Variants in SPAG16 observed in about 807,000 individuals in gnomAD.
The protein encoded by SPAG16 is sperm associated antigen 16.
SPAG16 carries 86 observed loss-of-function variants against 80.4 expected under a neutral mutation model. The observed-to-expected ratio is 1.07, with a 90% CI of 0.90 to 1.28. SPAG16 has a LOEUF of 1.28. Among genes scored for constraint, SPAG16 ranks in the 50% most tolerant of loss-of-function variants. SPAG16 has a pLI of 0.00. For missense variants in SPAG16, 870 were observed against 765.3 expected, an observed-to-expected ratio of 1.14 and a Z score of -1.61; for synonymous variants, 294 against 265.9, an observed-to-expected ratio of 1.11 and a Z score of -1.03.
At chr2:214,016,631 T>C (rs888162874) in intron 13 of SPAG16, among the ~76,000 whole-genome samples, 1 of 152,202 alleles carries the variant, frequency 6.6e-6, no homozygotes, top group Non-Finnish European at 1.5e-5. Context: ...GGAGACAGCA[T>C]GTTTATTTGC....
At chr2:213,345,344 GA>G (rs1401707599) in intron 6 of SPAG16, among the ~76,000 whole-genome samples, 2 of 97,420 alleles carry the variant, frequency 2.1e-5, no homozygotes, top group Non-Finnish European at 3.8e-5. Context: ...TGTTCACTCT[GA>G]CGGTAGTTTC....
chr2:213,290,482 G>C (rs1428272729), intron 1 of SPAG16, among the ~76,000 whole-genome samples: 2 of 152,174 alleles, frequency 1.3e-5, no homozygotes, highest in African/African-American at 2.4e-5. Flanking sequence ...AGATAGGTAA[G>C]AACCAGATAT....
At chr2:213,764,460 T>A (rs780059629) in intron 10 of SPAG16, among the ~76,000 whole-genome samples, 2 of 152,164 alleles carry the variant, frequency 1.3e-5, no homozygotes, top group Non-Finnish European at 2.9e-5. Flanking sequence ...GTGAACTAGA[T>A]ATAGTGTCCT....
intron 15 of SPAG16, among the ~76,000 whole-genome samples, chr2:214,392,809 T>C (rs963832034): frequency 6.6e-6 from 1 of 151,890 alleles, no homozygotes; most frequent in Admixed American, 6.6e-5. Context: ...ATATTTACAA[T>C]AATATAGCTA....
At chr2:213,584,321 A>G (rs1008518519) in intron 10 of SPAG16, among the ~76,000 whole-genome samples, 1 of 152,176 alleles carries the variant, frequency 6.6e-6, no homozygotes, top group Admixed American at 6.5e-5. Context: ...CAGTTGGGTT[A>G]CTGACATTGG....
chr2:214,055,310 T>C (rs576165697), intron 13 of SPAG16, among the ~76,000 whole-genome samples: 2 of 152,254 alleles, frequency 1.3e-5, no homozygotes, highest in South Asian at 2.1e-4. Context: ...TCCTATAAAC[T>C]AATGAGCAAG....
At chr2:213,869,838 G>A (rs980837875) in intron 11 of SPAG16, among the ~76,000 whole-genome samples, 3 of 152,184 alleles carry the variant, frequency 2.0e-5, no homozygotes, top group Non-Finnish European at 2.9e-5. Context: ...ATGTCCGTAC[G>A]TATAGTAGTT....
rs143018101 is a variant in SPAG16 at position 214,276,377 on chromosome 2, T to C, written c.1720+127111T>C. 2.4e-3 allele frequency among the ~76,000 whole-genome samples: 358 copies of C among 152,338 alleles called. 6 individuals are homozygous for C. The highest frequency in any genetic ancestry group is 8.2e-3 in the African/African-American group (339 of 41,578). ...TATCTTGCCCATTAATTGATGTAGT[T>C]TCTTGCTAGCATTGGTGGTCTTTAC... On this transcript the variant is annotated intron_variant, in intron 15 of 15. Coordinates refer to ENST00000331683, the MANE Select transcript of SPAG16 (RefSeq NM_024532.5).
chr2:214,251,031 T>C (rs1204956470), intron 15 of SPAG16, among the ~76,000 whole-genome samples: 2 of 151,836 alleles, frequency 1.3e-5, no homozygotes, highest in African/African-American at 4.8e-5. Context: ...CACTATTGTT[T>C]TATTACAGCT....
chr2:213,730,194 C>T (rs1395268017), intron 10 of SPAG16, among the ~76,000 whole-genome samples: 9 of 152,192 alleles, frequency 5.9e-5, no homozygotes, highest in Admixed American at 4.6e-4. Flanking sequence ...ATATAAAAGA[C>T]ATTGAGTCAA....
intron 15 of SPAG16, among the ~76,000 whole-genome samples, chr2:214,387,597 C>T (rs542034287): frequency 6.6e-6 from 1 of 152,110 alleles, no homozygotes; most frequent in South Asian, 2.1e-4. Flanking sequence ...CCTCACGCTG[C>T]TAATAAAGAC....
chr2:214,209,834 C>CTTG (rs549382662), intron 15 of SPAG16, among the ~76,000 whole-genome samples: 38 of 152,076 alleles, frequency 2.5e-4, no homozygotes, highest in Non-Finnish European at 4.9e-4. Context: ...ATTAATTTGT[C>CTTG]ACCAAGGCCC....
intron 11 of SPAG16, among the ~76,000 whole-genome samples, chr2:213,904,546 G>C (rs997569019): frequency 3.7e-5 from 5 of 134,520 alleles, no homozygotes; most frequent in African/African-American, 1.4e-4. Context: ...TTCAAGATGA[G>C]ATTTGGGTGG....
chr2:214,004,802 G>T (rs751833653), intron 12 of SPAG16, among the ~76,000 whole-genome samples: 1 of 152,074 alleles, frequency 6.6e-6, no homozygotes, highest in Non-Finnish European at 1.5e-5. Context: ...ACAGCCTGTA[G>T]ATTTTATAGG....
At chr2:214,380,224 C>T (rs1016060340) in intron 15 of SPAG16, among the ~76,000 whole-genome samples, 17 of 152,170 alleles carry the variant, frequency 1.1e-4, no homozygotes, top group Admixed American at 9.8e-4. Context: ...GCAAATTTCA[C>T]TATTGTTGTT....
At chr2:213,973,636 C>CT (rs375765183) in intron 12 of SPAG16, among the ~76,000 whole-genome samples, 2,738 of 140,750 alleles carry the variant, frequency 0.019, 58 homozygotes, top group African/African-American at 0.055. Context: ...AAATTGCCCC[C>CT]TTTTTTTTTT....
chr2:213,560,400 C>A (rs778639764), intron 10 of SPAG16, among the ~76,000 whole-genome samples: 2 of 151,988 alleles, frequency 1.3e-5, no homozygotes, highest in Non-Finnish European at 2.9e-5. Context: ...TCAAGCAATT[C>A]TAACTTGATG....
chr2:214,407,448 C>T (rs898446135), intron 15 of SPAG16, among the ~76,000 whole-genome samples: 5 of 151,992 alleles, frequency 3.3e-5, no homozygotes, highest in South Asian at 2.1e-4. Flanking sequence ...GTTCTCATGA[C>T]GCTATTTAAA....
intron 14 of SPAG16, among the ~76,000 whole-genome samples, chr2:214,137,359 A>C (rs2055114527): frequency 6.6e-6 from 1 of 152,038 alleles, no homozygotes; most frequent in African/African-American, 2.4e-5. Flanking sequence ...TTATCTAATG[A>C]CATATATATT....
Sources: allele counts gnomAD v4.1 joint callset (sites outside exome capture counted in the v4.1 genomes callset), GRCh38; gene constraint gnomAD v4.1.1; transcripts MANE v1.5; gene names NCBI Gene and HGNC (gene_info 2026-07-23, HGNC 2026-07-21).